Variants in KCNS3 observed in about 807,000 individuals in gnomAD.
KCNS3 encodes delayed-rectifier potassium channel regulatory subunit KCNS3.
KCNS3 carries 13 observed loss-of-function variants against 31.0 expected under a neutral mutation model. That is an observed-to-expected ratio of 0.42 (90% CI 0.27 to 0.67). KCNS3 has a LOEUF of 0.67. Ranked by LOEUF, KCNS3 falls within the 30% of genes least tolerant of loss-of-function variation. The probability of loss-of-function intolerance (pLI) is 0.25; values close to 1 mark genes in which losing one functional copy is unlikely to be tolerated. For missense variants in KCNS3, 545 were observed against 622.4 expected (o/e 0.88, Z 1.32); for synonymous variants, 238 against 241.5 (o/e 0.99, Z 0.13).
chr2:17,906,753 A>T (rs1021206661), intron 1 of KCNS3, among the ~76,000 whole-genome samples: 9 of 152,122 alleles, frequency 5.9e-5, no homozygotes, highest in Non-Finnish European at 1.3e-4. Flanking sequence ...TTCAGTTTCC[A>T]TGTAGTTGAG....
At chr2:17,898,819 A>G (rs1662093294) in intron 1 of KCNS3, among the ~76,000 whole-genome samples, 1 of 152,208 alleles carries the variant, frequency 6.6e-6, no homozygotes, top group African/African-American at 2.4e-5. Context: ...GTCTTGCTCC[A>G]AGGTCTACCT....
chr2:17,918,687 A>G (rs1186746393), intron 2 of KCNS3, among the ~76,000 whole-genome samples: 1 of 152,244 alleles, frequency 6.6e-6, no homozygotes, highest in Non-Finnish European at 1.5e-5. Context: ...TATAGCTGTA[A>G]GAGGATAATA....
chr2:17,884,034 C>T (rs1211065822), intron 1 of KCNS3, among the ~76,000 whole-genome samples: 2 of 137,724 alleles, frequency 1.5e-5, no homozygotes, highest in African/African-American at 5.5e-5. Context: ...CATGTTCTCA[C>T]TCATAGGTGG....
At chr2:17,911,552 A>G (rs1310161158) in intron 1 of KCNS3, among the ~76,000 whole-genome samples, 1 of 152,232 alleles carries the variant, frequency 6.6e-6, no homozygotes, top group African/African-American at 2.4e-5. Context: ...AATGTACACA[A>G]TGTTGAGATG....
At chr2:17,903,618 C>T (rs1461751109) in intron 1 of KCNS3, among the ~76,000 whole-genome samples, 3 of 151,880 alleles carry the variant, frequency 2.0e-5, no homozygotes, top group African/African-American at 7.3e-5. Flanking sequence ...TCCCCCCACC[C>T]CACAACAGGC....
chr2:17,880,202 A>G (rs1572473302), intron 1 of KCNS3, among the ~76,000 whole-genome samples: 1 of 152,198 alleles, frequency 6.6e-6, no homozygotes. Flanking sequence ...TCTTCCCTGC[A>G]TATCTGGAGC....
intron 1 of KCNS3, among the ~76,000 whole-genome samples, chr2:17,887,278 C>T (rs1661686788): frequency 6.6e-6 from 1 of 152,054 alleles, no homozygotes; most frequent in Admixed American, 6.6e-5. Context: ...TCCCACTCTT[C>T]CCCCTGAGTC....
At chr2:17,912,210 T>A (rs1042229411) in intron 1 of KCNS3, among the ~76,000 whole-genome samples, 2 of 152,220 alleles carry the variant, frequency 1.3e-5, no homozygotes, top group African/African-American at 2.4e-5. Flanking sequence ...ACCCTGGGAT[T>A]TTGTGATACA....
intron 2 of KCNS3, among the ~76,000 whole-genome samples, chr2:17,929,454 G>A (rs553262238): frequency 1.3e-5 from 2 of 152,292 alleles, no homozygotes; most frequent in South Asian, 2.1e-4. Context: ...TGAGAACTCT[G>A]TCACGAGACA....
chr2:17,898,982 CT>C (rs1326789105), intron 1 of KCNS3, among the ~76,000 whole-genome samples: 7 of 152,170 alleles, frequency 4.6e-5, no homozygotes, highest in African/African-American at 1.7e-4. Flanking sequence ...AATCCCAGCA[CT>C]TTGGGAGTCT....
At chr2:17,903,979 G>A (rs9752109) in intron 1 of KCNS3, among the ~76,000 whole-genome samples, 130,706 of 151,828 alleles carry the variant, frequency 0.86, 57,376 homozygotes, top group East Asian at 0.96. Flanking sequence ...ACCCAGTAAT[G>A]GGATGGCTGG....
At chr2:17,925,686 G>T (rs1020944541) in intron 2 of KCNS3, among the ~76,000 whole-genome samples, 3 of 152,018 alleles carry the variant, frequency 2.0e-5, no homozygotes, top group Non-Finnish European at 4.4e-5. Context: ...AGAACAGCGT[G>T]GGGGAAACTG....
chr2:17,931,774 A>G lies in KCNS3; in HGVS notation c.766A>G (p.Asn256Asp). The change falls in exon 3 of 3, where the codon AAC becomes GAC. Residue 256 changes from asparagine to aspartate, a missense_variant. By Grantham distance (23) the Asn-to-Asp change is conservative (BLOSUM62 1). Coordinates refer to ENST00000304101, the MANE Select transcript of KCNS3 (RefSeq NM_002252.5). This position sits in a 1 kb window ranked among gnomAD's most constrained non-coding sequence, Gnocchi z 5.4. Reference sequence around the variant, plus strand: ...AAAGAAATTCTGGAAAAACCCTCTGAACATCATTGACTTTGTCTCTATTAT... The same window carrying G: ...AAAGAAATTCTGGAAAAACCCTCTGGACATCATTGACTTTGTCTCTATTAT... ...CQKKFWKNPL[N>D]IIDFVSIIPF... 1 of 1,614,118 alleles carries G rather than the reference A, an allele frequency of 6.2e-7. No individual in the cohort carries two copies. Among genetic ancestry groups the G allele is most frequent in the South Asian group, 1.1e-5 (1 of 91,080 alleles).
At chr2:17,884,038 T>TA (rs1674703241) in intron 1 of KCNS3, among the ~76,000 whole-genome samples, 1 of 130,648 alleles carries the variant, frequency 7.7e-6, no homozygotes, top group East Asian at 2.3e-4. Flanking sequence ...TTCTCACTCA[T>TA]AGGTGGGAAT....
At chr2:17,913,471 A>C (rs1016484300) in intron 1 of KCNS3, among the ~76,000 whole-genome samples, 2 of 152,246 alleles carry the variant, frequency 1.3e-5, no homozygotes, top group Non-Finnish European at 2.9e-5. Context: ...ATGTTAGAAA[A>C]CTTAAGACAG....
intron 2 of KCNS3, among the ~76,000 whole-genome samples, chr2:17,921,598 G>C (rs1023766796): frequency 2.6e-5 from 4 of 152,048 alleles, no homozygotes; most frequent in African/African-American, 9.6e-5. Context: ...GCATGGCTGG[G>C]AAAGCCTCAG....
intron 1 of KCNS3, among the ~76,000 whole-genome samples, chr2:17,910,943 C>G (rs1662458692): frequency 5.9e-5 from 9 of 152,196 alleles, no homozygotes; most frequent in Admixed American, 5.9e-4. Context: ...ATTTTCTGCT[C>G]TCTGTCCATA....
intron 1 of KCNS3, among the ~76,000 whole-genome samples, chr2:17,885,082 T>C (rs1448942321): frequency 6.6e-6 from 1 of 152,212 alleles, no homozygotes; most frequent in Non-Finnish European, 1.5e-5. Context: ...TGAATGGGGA[T>C]GTAGGAACAT....
intron 1 of KCNS3, among the ~76,000 whole-genome samples, chr2:17,915,569 G>A (rs1450835512): frequency 6.6e-6 from 1 of 152,104 alleles, no homozygotes; most frequent in Admixed American, 6.5e-5. Context: ...TGCACCTTAG[G>A]TGTAGGACTT....
Sources: allele counts gnomAD v4.1 joint callset (sites outside exome capture counted in the v4.1 genomes callset), GRCh38; gene constraint gnomAD v4.1.1; non-coding constraint Gnocchi (gnomAD v3.1); transcripts MANE v1.5; gene names NCBI Gene and HGNC (gene_info 2026-07-23, HGNC 2026-07-21).